SMG6: variants seen among roughly 807,000 people sequenced by gnomAD.
The protein encoded by SMG6 is telomerase-binding protein EST1A.
Under a neutral mutation model 142.2 loss-of-function variants are expected in SMG6, and 66 were observed. The observed-to-expected ratio is 0.46, with a 90% confidence interval of 0.38 to 0.57. SMG6 has a LOEUF of 0.57. Ranked by LOEUF, SMG6 falls within the 20% of genes least tolerant of loss-of-function variation. The pLI is 0.00. For synonymous variants in SMG6, 779 were observed against 702.4 expected, an observed-to-expected ratio of 1.11 and a Z score of -1.72; for missense variants, 1,793 against 1,832.0, an observed-to-expected ratio of 0.98 and a Z score of 0.39.
chr17:2,205,150 C>A (rs1226623096), intron 10 of SMG6, among the ~76,000 whole-genome samples: 1 of 152,052 alleles, frequency 6.6e-6, no homozygotes, highest in East Asian at 1.9e-4. Context: ...CTCACTGCAA[C>A]CTCCGCGTCC....
chr17:2,243,377 C>A (rs569967757), intron 9 of SMG6, among the ~76,000 whole-genome samples: 1 of 152,196 alleles, frequency 6.6e-6, no homozygotes, highest in Non-Finnish European at 1.5e-5. Flanking sequence ...ATAGCCCCTA[C>A]CTCCACTAAG....
chr17:2,265,328 G>A (rs184443887), intron 8 of SMG6, among the ~76,000 whole-genome samples: 2 of 152,180 alleles, frequency 1.3e-5, no homozygotes, highest in East Asian at 3.9e-4. Context: ...TGGCCAACAT[G>A]GCGAAACACC....
In SMG6 at chr17:2,299,596, C is replaced by T; in HGVS notation, c.1157G>A (p.Gly386Asp). The T allele has an allele frequency of 6.2e-7, 1 of 1,614,184 alleles. No homozygotes were observed. Among genetic ancestry groups the T allele is most frequent in the East Asian group, 2.2e-5 (1 of 44,882 alleles). The change falls in exon 2 of 19, where the codon GGC becomes GAC. Residue 386 changes from glycine (G) to aspartate (D), a missense_variant. Around this residue, in one of 3 missense-constraint regions of SMG6, gnomAD observed 1,597 missense variants for 1,584.6 expected, o/e 1.01. Transcript: ENST00000263073. The surrounding 1 kb of genome is among the most constrained non-coding windows in gnomAD (Gnocchi z 4.3). ...GGACTCCTGCTTCTCAGAGCCTTTG[C>T]CCCCACTGCTCAAGCCTTTGTCAGG... ...GKPDKGLSSG[G>D]KGSEKQESKN...
At chr17:2,148,567 T>C (rs2070736613) in intron 13 of SMG6, among the ~76,000 whole-genome samples, 1 of 152,166 alleles carries the variant, frequency 6.6e-6, no homozygotes, top group Admixed American at 6.5e-5. Flanking sequence ...TAGTCAAATT[T>C]ATAGAGAAAA....
intron 13 of SMG6, among the ~76,000 whole-genome samples, chr17:2,090,276 G>C (rs1243336747): frequency 6.6e-6 from 1 of 151,758 alleles, no homozygotes; most frequent in Non-Finnish European, 1.5e-5. Context: ...CAAGCACAGT[G>C]TGGGTAGAGA....
At chr17:2,256,276 G>T (rs1213624205) in intron 8 of SMG6, 1 of 152,236 alleles carries the variant, frequency 6.6e-6, no homozygotes, top group African/African-American at 2.4e-5. Flanking sequence ...GTGTGTGGAG[G>T]TGAGGAGACC....
At chr17:2,204,186 G>A (rs1227105006) in intron 10 of SMG6, among the ~76,000 whole-genome samples, 1 of 152,116 alleles carries the variant, frequency 6.6e-6, no homozygotes. Context: ...AAACAATTCC[G>A]AGATAGGTGA....
chr17:2,273,182 T>C (rs895083106), intron 8 of SMG6, among the ~76,000 whole-genome samples: 1 of 152,062 alleles, frequency 6.6e-6, no homozygotes, highest in Non-Finnish European at 1.5e-5. Context: ...ATAATATATA[T>C]TAAATAAGGT....
At chr17:2,171,757 C>G (rs1324404756) in intron 13 of SMG6, among the ~76,000 whole-genome samples, 2 of 150,034 alleles carry the variant, frequency 1.3e-5, no homozygotes, top group African/African-American at 4.9e-5. Flanking sequence ...TTTAACATCT[C>G]CCTATGTCCC....
chr17:2,224,131 T>C (rs912536584), intron 10 of SMG6, among the ~76,000 whole-genome samples: 1 of 152,134 alleles, frequency 6.6e-6, no homozygotes, highest in Non-Finnish European at 1.5e-5. Context: ...TGGTCAGAGA[T>C]TGAATAAAGA....
rs774039249 is a variant in SMG6 at position 2,303,603 on chromosome 17, C to T, written c.88+30G>A. The T allele has an allele frequency of 8.5e-6, 12 of 1,413,162 alleles. No homozygotes were observed. The South Asian group carries it at 1.7e-4, about 20-fold the overall frequency. The allele number at this position is 1,413,162 out of a possible 1,614,324, so 87.5% of individuals were successfully genotyped here. On this transcript the variant is annotated intron_variant, in intron 1 of 18. Transcript: ENST00000263073. The stretch of plus-strand genomic sequence containing the variant: ...GGAGAGGGAGGCGGGGCGGGCAGGC[C>T]CGGCCCAGGAGCTGGGCGGCGCGAC...
intron 13 of SMG6, chr17:2,088,061 A>G (rs1312834605): frequency 5.1e-6 from 5 of 985,402 alleles, no homozygotes. Context: ...GGACAGAGGA[A>G]AAGCTTGCAA....
chr17:2,153,362 A>T (rs1323666630), intron 13 of SMG6, among the ~76,000 whole-genome samples: 1 of 152,206 alleles, frequency 6.6e-6, no homozygotes, highest in Non-Finnish European at 1.5e-5. Flanking sequence ...GTTGTCAGGG[A>T]CTGGGGTTGG....
Position 2,065,459 on chromosome 17 carries a change from G to C in SMG6, c.4047+9C>G. ...CTGTGGGCTTTCCCTTCCTGCCACA[G>C]GGTCTCACCAGCTGGCCAGTGATGT... On this transcript the variant is annotated intron_variant, in intron 17 of 18. Coordinates refer to ENST00000263073, the MANE Select transcript of SMG6 (RefSeq NM_017575.5). 1 of 1,609,856 alleles carries C rather than the reference G, an allele frequency of 6.2e-7. No homozygotes were observed. The highest frequency in any genetic ancestry group is 2.2e-5 in the East Asian group (1 of 44,848).
intron 13 of SMG6, among the ~76,000 whole-genome samples, chr17:2,170,044 C>CA (rs1382241333): frequency 1.3e-5 from 2 of 152,044 alleles, no homozygotes; most frequent in African/African-American, 4.8e-5. Context: ...ACAAGCAGCC[C>CA]AAAAATCAAG....
At chr17:2,165,085 G>T (rs2071294661) in intron 13 of SMG6, among the ~76,000 whole-genome samples, 1 of 152,216 alleles carries the variant, frequency 6.6e-6, no homozygotes, top group Non-Finnish European at 1.5e-5. Context: ...GACAGCTCAT[G>T]AGGTAGACAC....
chr17:2,154,444 T>C (rs1402577101), intron 13 of SMG6, among the ~76,000 whole-genome samples: 3 of 152,230 alleles, frequency 2.0e-5, no homozygotes, highest in Admixed American at 1.3e-4. Context: ...AAGATTTATG[T>C]TGGAAAAAAA....
At chr17:2,144,733 A>G (rs2070607346) in intron 13 of SMG6, among the ~76,000 whole-genome samples, 1 of 152,106 alleles carries the variant, frequency 6.6e-6, no homozygotes, top group African/African-American at 2.4e-5. Context: ...CTGCTGCTCA[A>G]GGTTTTTCAG....
chr17:2,081,873 C>T lies in SMG6; in HGVS notation c.3618G>A (p.Arg1206=), dbSNP rs563703008. ...SGGEDDIREL[R]AKKLALARKI... ...TCCTGGCCAGAGCCAGCTTCTTGGC[C>T]CGAAGCTCCCTGATGTCATCCTCGC... The change falls in exon 15 of 19, where the codon CGG becomes CGA. Residue 1206 remains arginine, a synonymous_variant. Coordinates refer to ENST00000263073, the MANE Select transcript of SMG6 (RefSeq NM_017575.5). The T allele has an allele frequency of 2.5e-6, 4 of 1,614,100 alleles. No individual in the cohort carries two copies. The highest frequency in any genetic ancestry group is 3.4e-6 in the Non-Finnish European group (4 of 1,180,020).
Sources: allele counts gnomAD v4.1 joint callset (sites outside exome capture counted in the v4.1 genomes callset), GRCh38; gene constraint gnomAD v4.1.1; regional missense constraint gnomAD v4.1.1; non-coding constraint Gnocchi (gnomAD v3.1); transcripts MANE v1.5; gene names NCBI Gene and HGNC (gene_info 2026-07-23, HGNC 2026-07-21).